UBA3: variants seen among roughly 807,000 people sequenced by gnomAD.
UBA3 encodes ubiquitin like modifier activating enzyme 3.
Under a neutral mutation model 73.5 loss-of-function variants are expected in UBA3, and 26 were observed. The observed-to-expected ratio is 0.35, with a 90% CI of 0.26 to 0.49. The LOEUF (loss-of-function observed/expected upper bound fraction) is 0.49, where lower values mean the gene tolerates loss of function less well. UBA3 is among the 20% of genes least tolerant of loss of function. UBA3 has a pLI of 0.98. For missense variants in UBA3, 495 were observed against 555.6 expected (o/e 0.89, Z 1.10); for synonymous variants, 217 against 191.2 (o/e 1.13, Z -1.11).
Position 69,056,172 on chromosome 3 carries a change from A to G in UBA3, c.1184+11T>C, listed in dbSNP as rs771128810. On this transcript the variant is annotated intron_variant, in intron 15 of 17. Transcript: ENST00000361055. ...GATTTTTACAACATAACAAAAATCT[A>G]CAATACTTACAGAGAAGCACTATTG... 1.9e-6 allele frequency: 3 copies of G among 1,570,146 alleles called. No homozygotes were observed.
At chr3:69,067,873 A>C (rs2092086820) in intron 6 of UBA3, 55 bp downstream of exon 6, 2 of 1,363,428 alleles carry the variant, frequency 1.5e-6, no homozygotes, top group Non-Finnish European at 2.1e-6. Context: ...ATCTCTTATA[A>C]TAAAGGAAAA....
In UBA3 at chr3:69,057,301, T is replaced by G. The variant is rs768365846; in HGVS notation, c.919A>C (p.Lys307Gln). The G allele has an allele frequency of 6.2e-7, 1 of 1,610,264 alleles. No homozygotes were observed. Among genetic ancestry groups the G allele is most frequent in the Middle Eastern group, 1.7e-4 (1 of 6,052 alleles). Residue 307 changes from lysine to glutamine, a missense_variant, in exon 12 of 18, where the codon AAA becomes CAA. By Grantham distance (53) the Lys-to-Gln change is moderately conservative. Transcript: ENST00000361055. ...GAAGCTACTGCAGGAATGATTCTTTTTACTACCCCTGAAAAAACATATCAA... is the reference window on the plus strand; with the variant it reads ...GAAGCTACTGCAGGAATGATTCTTTGTACTACCCCTGAAAAAACATATCAA... ...VTYRLTQGVV[K>Q]RIIPAVASTN...
intron 11 of UBA3, 120 bp downstream of exon 11, chr3:69,061,694 T>C: frequency 3.4e-6 from 2 of 590,810 alleles, no homozygotes; most frequent in Non-Finnish European, 5.9e-6. Flanking sequence ...AATTACATGG[T>C]ACCTTTACTG....
At chr3:69,079,488 G>C (rs944780447) in intron 2 of UBA3, among the ~76,000 whole-genome samples, 1 of 152,150 alleles carries the variant, frequency 6.6e-6, no homozygotes, top group East Asian at 1.9e-4. Flanking sequence ...ATGTGGCGCT[G>C]GCCAGGTTAG....
chr3:69,057,985 T>G (rs1274764148), intron 11 of UBA3, among the ~76,000 whole-genome samples: 1 of 147,088 alleles, frequency 6.8e-6, no homozygotes, highest in Non-Finnish European at 1.5e-5. Flanking sequence ...GAGTGCAGTG[T>G]CGTGATCTGA....
chr3:69,074,309 G>A (rs566904599), intron 4 of UBA3, among the ~76,000 whole-genome samples: 9 of 151,934 alleles, frequency 5.9e-5, no homozygotes, highest in Admixed American at 1.3e-4. Context: ...TGTTTGATAC[G>A]GTACTGTCAT....
rs1214467963 is a variant in UBA3, at chr3:69,080,343, C to G, written c.11G>C (p.Gly4Ala). Residue 4 changes from glycine (G) to alanine (A), a missense_variant, in exon 1 of 18, where the codon GGC becomes GCC. Transcript: ENST00000361055. MAD[G>A]EEPEKKRRRI... ...GAGCCCCGGTACTTACGGCTCCTCGCCATCCGCCATATTGTTCTCCGCCTC... is the reference window on the plus strand; with the variant it reads ...GAGCCCCGGTACTTACGGCTCCTCGGCATCCGCCATATTGTTCTCCGCCTC... 2 of 1,597,066 alleles carry G rather than the reference C, an allele frequency of 1.3e-6. No homozygotes were observed. Among genetic ancestry groups the G allele is most frequent in the African/African-American group, 2.7e-5 (2 of 74,430 alleles).
At chr3:69,070,422 T>TAA (rs2092111715) in intron 5 of UBA3, among the ~76,000 whole-genome samples, 2 of 152,316 alleles carry the variant, frequency 1.3e-5, no homozygotes, top group South Asian at 4.1e-4. Flanking sequence ...CCTTTTTTGC[T>TAA]AGCTCAACTT....
chr3:69,079,909 G>A lies in UBA3; in HGVS notation c.62+203C>T, dbSNP rs1388826584. 1.3e-5 allele frequency: 7 copies of A among 543,960 alleles called. No individual in the cohort carries two copies. In the Admixed American group the frequency reaches 2.8e-4, roughly 21 times the overall value. The allele number at this position is 543,960 out of a possible 1,614,324, so 33.7% of individuals were successfully genotyped here. A position where few individuals can be genotyped will look rare whatever the true frequency, so the allele number is the denominator to read the frequency against. On this transcript the variant is annotated intron_variant, in intron 2 of 17. Coordinates refer to ENST00000361055, the MANE Select transcript of UBA3 (RefSeq NM_003968.4). ...AGCTGGGGCAGTACAGCCTGGCCCCGACGCCCGCACCGGGCAGATACCGGG... is the reference window on the plus strand; with the variant it reads ...AGCTGGGGCAGTACAGCCTGGCCCCAACGCCCGCACCGGGCAGATACCGGG...
rs2091973095 is a variant in UBA3 at position 69,056,296 on chromosome 3, T to C, written c.1084-13A>G. ...CTGGGCAGTTTTCCTACACACATAATACACAACAAATTACAGCAGCACATG... is the reference window on the plus strand; with the variant it reads ...CTGGGCAGTTTTCCTACACACATAACACACAACAAATTACAGCAGCACATG... On this transcript the variant is annotated splice_polypyrimidine_tract_variant and intron_variant, in intron 14 of 17. Coordinates refer to ENST00000361055, the MANE Select transcript of UBA3 (RefSeq NM_003968.4). The C allele has an allele frequency of 6.4e-7, 1 of 1,556,954 alleles. No individual in the cohort carries two copies. Among genetic ancestry groups the C allele is most frequent in the Non-Finnish European group, 8.7e-7 (1 of 1,152,926 alleles).
chr3:69,070,738 C>G (rs9846769), intron 5 of UBA3, among the ~76,000 whole-genome samples: 74,078 of 151,938 alleles, frequency 0.49, 18,403 homozygotes, highest in East Asian at 0.82. Flanking sequence ...CTGCAGCCTC[C>G]AGATCCTGAG....
At chr3:69,057,231 T>G (rs189212991) in intron 12 of UBA3, 25 bp downstream of exon 12, 290 of 1,600,828 alleles carry the variant, frequency 1.8e-4, no homozygotes, top group Non-Finnish European at 2.3e-4. Context: ...CAAAATAAAC[T>G]AAGTGATGGC....
chr3:69,080,239 G>A (rs926689502), intron 1 of UBA3, 86 bp from the exon 2 acceptor site: 104 of 1,517,968 alleles, frequency 6.9e-5, no homozygotes, highest in Non-Finnish European at 8.9e-5. Context: ...GGGGCGGGGG[G>A]TGTGGGGACC....
At position 69,079,949 on chromosome 3, in the gene UBA3, C is replaced by T. The variant is rs542866515; in HGVS notation, c.62+163G>A. 75 of 611,820 alleles carry T rather than the reference C, an allele frequency of 1.2e-4. No individual in the cohort carries two copies. In the East Asian group the frequency reaches 2.1e-3, roughly 17 times the overall value. 37.9% of individuals were successfully genotyped at this position (611,820 alleles called of 1,614,324 possible). A position where few individuals can be genotyped will look rare whatever the true frequency, so the allele number is the denominator to read the frequency against. ...CAGATACCGGGAGCGGCCCGCCAGGCCCCCGGGGCTGCGGGGCGGGGATCA... is the reference window on the plus strand; with the variant it reads ...CAGATACCGGGAGCGGCCCGCCAGGTCCCCGGGGCTGCGGGGCGGGGATCA... On this transcript the variant is annotated intron_variant, in intron 2 of 17. Transcript: ENST00000361055.
chr3:69,080,070 G>A (rs376015048), intron 2 of UBA3, 42 bp downstream of exon 2: 1 of 1,585,910 alleles, frequency 6.3e-7, no homozygotes, highest in Non-Finnish European at 8.6e-7. Flanking sequence ...GGGGGGAGGC[G>A]GGGGTCCCCG....
At chr3:69,068,215 T>G (rs868152909) in intron 5 of UBA3, among the ~76,000 whole-genome samples, 1 of 152,186 alleles carries the variant, frequency 6.6e-6, no homozygotes, top group Non-Finnish European at 1.5e-5. Flanking sequence ...ATGGTCCAAA[T>G]TAACATAAGT....
intron 7 of UBA3, 102 bp from the exon 8 acceptor site, chr3:69,063,605 C>A: frequency 1.0e-6 from 1 of 962,730 alleles, no homozygotes; most frequent in Non-Finnish European, 1.5e-6. Context: ...CACTCTGGTG[C>A]AAGATGTTGA....
At chr3:69,068,576 G>GTTTTTTT (rs1473693188) in intron 5 of UBA3, among the ~76,000 whole-genome samples, 16 of 148,784 alleles carry the variant, frequency 1.1e-4, no homozygotes, top group Non-Finnish European at 1.5e-4. Flanking sequence ...CTGTAACCAC[G>GTTTTTTT]TTTTTTTCTT....
At chr3:69,072,134 A>T (rs2092126345) in intron 4 of UBA3, among the ~76,000 whole-genome samples, 1 of 152,240 alleles carries the variant, frequency 6.6e-6, no homozygotes. Flanking sequence ...TATTGAATCA[A>T]GAGCATGCAA....
Sources: allele counts gnomAD v4.1 joint callset (sites outside exome capture counted in the v4.1 genomes callset), GRCh38; gene constraint gnomAD v4.1.1; transcripts MANE v1.5; gene names NCBI Gene and HGNC (gene_info 2026-07-23, HGNC 2026-07-21).